The following STPG2 variants were observed in gnomAD, a reference collection of about 807,000 sequenced individuals.
The protein encoded by STPG2 is sperm tail PG-rich repeat containing 2, also known as sperm-tail PG-rich repeat-containing protein 2.
In STPG2, 56 loss-of-function variants were observed where a neutral mutation model predicts 54.2. The observed-to-expected ratio is 1.03, with a 90% confidence interval of 0.83 to 1.29. The LOEUF (loss-of-function observed/expected upper bound fraction) is 1.29, where lower values mean the gene tolerates loss of function less well. Ranked by LOEUF, STPG2 falls within the 50% of genes most tolerant of loss-of-function variation. The pLI, the probability that STPG2 is intolerant of heterozygous loss-of-function variation, is 0.00. For missense variants in STPG2, 596 were observed against 544.9 expected (o/e 1.09, Z -0.93); for synonymous variants, 200 against 181.8 (o/e 1.10, Z -0.81).
intron 10 of STPG2, among the ~76,000 whole-genome samples, chr4:97,677,282 C>T (rs1405090871): frequency 6.6e-6 from 1 of 152,034 alleles, no homozygotes; most frequent in Non-Finnish European, 1.5e-5. Context: ...TATGACATGG[C>T]ATTTACTGTT....
chr4:97,847,947 T>C (rs1729008320), intron 8 of STPG2, among the ~76,000 whole-genome samples: 1 of 152,220 alleles, frequency 6.6e-6, no homozygotes, highest in Admixed American at 6.5e-5. Flanking sequence ...AGCTCCAAAA[T>C]ACTTATTACG....
At chr4:97,678,988 G>A (rs1006268478) in intron 10 of STPG2, among the ~76,000 whole-genome samples, 2 of 152,056 alleles carry the variant, frequency 1.3e-5, no homozygotes, top group African/African-American at 4.8e-5. Context: ...GTATTCCATG[G>A]TGTATATGTG....
At chr4:98,099,093 C>T (rs1265383227) in intron 5 of STPG2, among the ~76,000 whole-genome samples, 1 of 151,874 alleles carries the variant, frequency 6.6e-6, no homozygotes, top group African/African-American at 2.4e-5. Context: ...GCCATATGAA[C>T]CAGCAACCCC....
intron 8 of STPG2, among the ~76,000 whole-genome samples, chr4:97,860,445 C>T (rs1238414971): frequency 6.6e-6 from 1 of 151,020 alleles, no homozygotes; most frequent in Non-Finnish European, 1.5e-5. Context: ...TCTTTCACCT[C>T]CTTGGTCAGG....
Position 97,582,963 on chromosome 4 carries a change from C to T in STPG2, c.1321-23846G>A, listed in dbSNP as rs189303252. On this transcript the variant is annotated intron_variant, in intron 10 of 10. Transcript: ENST00000295268. ...TTTTTGAACACTGTAGTTTGCTTAT[C>T]GGTAAAACATTCTGGGAAATGTATT... Among the ~76,000 whole-genome samples, 47 of 152,044 alleles carry T rather than the reference C, an allele frequency of 3.1e-4. 1 individual carries two copies. In the East Asian group the frequency reaches 3.9e-3, roughly 12 times the overall value.
intron 7 of STPG2, among the ~76,000 whole-genome samples, chr4:97,954,633 A>T: frequency 6.6e-6 from 1 of 152,248 alleles, no homozygotes; most frequent in South Asian, 2.1e-4. Flanking sequence ...TACACTTAAG[A>T]AAATGAAACA....
chr4:97,678,604 T>A (rs1413647911), intron 10 of STPG2, among the ~76,000 whole-genome samples: 1 of 152,146 alleles, frequency 6.6e-6, no homozygotes, highest in East Asian at 1.9e-4. Context: ...TTTTATTTTT[T>A]ATTTTTTGAC....
In STPG2 at chr4:98,072,613, T is replaced by TAAAATAAAATAAAACAAAAG. The variant is rs1553939187; in HGVS notation, c.612+33339_612+33340insCTTTTGTTTTATTTTATTTT. Among the ~76,000 whole-genome samples, 417 of 135,262 alleles carry TAAAATAAAATAAAACAAAAG rather than the reference T, an allele frequency of 3.1e-3. 1 individual carries two copies. Among genetic ancestry groups the TAAAATAAAATAAAACAAAAG allele is most frequent in the South Asian group, 0.021 (86 of 4,132 alleles). The allele number at this position is 135,262 out of a possible 152,430, so 88.7% of individuals were successfully genotyped here. A position where few individuals can be genotyped will look rare whatever the true frequency, so the allele number is the denominator to read the frequency against. On this transcript the variant is annotated intron_variant, in intron 5 of 10. Coordinates refer to ENST00000295268, the MANE Select transcript of STPG2 (RefSeq NM_174952.3). ...TAAAATAAAATAAAATAAAATAAAATAAAACAAAACAAGAGTCCACTAATT... is the reference window on the plus strand; with the variant it reads ...TAAAATAAAATAAAATAAAATAAAATAAAATAAAATAAAACAAAAGAAAACAAAACAAGAGTCCACTAATT...
At chr4:97,555,582 T>C (rs1732060442), downstream of STPG2, among the ~76,000 whole-genome samples, 1 of 152,170 alleles carries the variant, frequency 6.6e-6, no homozygotes, top group African/African-American at 2.4e-5. Flanking sequence ...TTAATGCTAA[T>C]TTTTTAACCT....
chr4:97,885,625 T>C (rs143932877), intron 8 of STPG2, among the ~76,000 whole-genome samples: 1 of 152,206 alleles, frequency 6.6e-6, no homozygotes, highest in Non-Finnish European at 1.5e-5. Context: ...ACTGCACAGG[T>C]TCATATATAC....
rs1476190236 is a variant in STPG2, at chr4:97,639,039, C to T, written c.1320+73660G>A. Among the ~76,000 whole-genome samples, 30 of 151,776 alleles carry T rather than the reference C, an allele frequency of 2.0e-4. No individual in the cohort carries two copies. In the East Asian group the frequency reaches 2.9e-3, roughly 15 times the overall value. Reference sequence around the variant, plus strand: ...TAAATCATGCTGCTATAAAGACACACGCACACGTATGTTTATTGCGGCATT... The same window carrying T: ...TAAATCATGCTGCTATAAAGACACATGCACACGTATGTTTATTGCGGCATT... On this transcript the variant is annotated intron_variant, in intron 10 of 10. Coordinates refer to ENST00000295268, the MANE Select transcript of STPG2 (RefSeq NM_174952.3).
intron 10 of STPG2, among the ~76,000 whole-genome samples, chr4:97,707,432 A>G (rs1180900527): frequency 3.3e-5 from 5 of 152,008 alleles, no homozygotes; most frequent in Admixed American, 6.6e-5. Context: ...GAGGTGGGAG[A>G]ATTACTTGCG....
intron 5 of STPG2, among the ~76,000 whole-genome samples, chr4:98,091,100 C>T (rs1160211022): frequency 2.0e-5 from 3 of 152,000 alleles, no homozygotes; most frequent in Non-Finnish European, 4.4e-5. Flanking sequence ...TCCTTTCTCA[C>T]TCATCCTCCC....
At chr4:97,653,395 A>G (rs949473814) in intron 10 of STPG2, among the ~76,000 whole-genome samples, 2 of 151,982 alleles carry the variant, frequency 1.3e-5, no homozygotes, top group East Asian at 1.9e-4. Flanking sequence ...GAAGAAAAAA[A>G]AAAACCTTGA....
chr4:97,912,164 A>G (rs1467882988), intron 8 of STPG2, among the ~76,000 whole-genome samples: 1 of 152,176 alleles, frequency 6.6e-6, no homozygotes, highest in Non-Finnish European at 1.5e-5. Context: ...ACATTCAAAG[A>G]TCAGCAACCT....
chr4:97,489,981 A>G (rs1206986612), intron 4 of STPG2: 1 of 151,416 alleles, frequency 6.6e-6, no homozygotes, highest in Non-Finnish European at 1.5e-5. Flanking sequence ...TAGTGTATCA[A>G]TGTCTGTCTT....
intron 10 of STPG2, among the ~76,000 whole-genome samples, chr4:97,691,964 A>C (rs532601623): frequency 6.6e-6 from 1 of 152,276 alleles, no homozygotes; most frequent in African/African-American, 2.4e-5. Context: ...AGAAAGCCCC[A>C]TCCCTGGGGA....
chr4:97,942,956 T>C (rs1477620196), intron 8 of STPG2, among the ~76,000 whole-genome samples: 2 of 152,212 alleles, frequency 1.3e-5, no homozygotes, highest in Admixed American at 1.3e-4. Context: ...TTTGTCTTTC[T>C]CTGTTTGGAG....
At chr4:98,004,294 T>C (rs1468313554) in intron 5 of STPG2, among the ~76,000 whole-genome samples, 1 of 152,156 alleles carries the variant, frequency 6.6e-6, no homozygotes, top group Non-Finnish European at 1.5e-5. Flanking sequence ...TGTTCATCCA[T>C]GTTATCACAA....
Sources: allele counts gnomAD v4.1 joint callset (sites outside exome capture counted in the v4.1 genomes callset), GRCh38; gene constraint gnomAD v4.1.1; transcripts MANE v1.5; gene names NCBI Gene and HGNC (gene_info 2026-07-23, HGNC 2026-07-21).